FAS: variants seen among roughly 807,000 people sequenced by gnomAD.
FAS encodes the protein Fas cell surface death receptor, also known as tumor necrosis factor receptor superfamily member 6.
Under a neutral mutation model 33.2 loss-of-function variants are expected in FAS, and 5 were observed. The observed-to-expected ratio is 0.15, with a 90% CI of 0.08 to 0.32. The LOEUF (loss-of-function observed/expected upper bound fraction) is 0.32. FAS is among the 10% of genes least tolerant of loss of function. The pLI is 1.00. For synonymous variants in FAS, 131 were observed against 130.7 expected, an observed-to-expected ratio of 1.00 and a Z score of -0.01; for missense variants, 339 against 386.0, an observed-to-expected ratio of 0.88 and a Z score of 1.02.
At chr10:88,966,705 C>A (rs1846324026) in intron 1 of FAS, among the ~76,000 whole-genome samples, 1 of 152,212 alleles carries the variant, frequency 6.6e-6, no homozygotes, top group Admixed American at 6.5e-5. Context: ...GTTTCCTCAT[C>A]TGCAAAATGA....
chr10:88,980,749 A>G (rs369648781), intron 2 of FAS, among the ~76,000 whole-genome samples: 36 of 152,250 alleles, frequency 2.4e-4, no homozygotes, highest in African/African-American at 7.7e-4. Context: ...GACTCGAGCC[A>G]TATAAAGTCA....
At chr10:88,996,893 T>A (rs1847631396) in intron 1 of FAS, among the ~76,000 whole-genome samples, 1 of 152,218 alleles carries the variant, frequency 6.6e-6, no homozygotes. Flanking sequence ...TTTATTCTTG[T>A]ATGACCCACG....
chr10:88,998,733 G>T (rs1023642499), intron 1 of FAS, among the ~76,000 whole-genome samples: 2 of 152,144 alleles, frequency 1.3e-5, no homozygotes, highest in African/African-American at 4.8e-5. Context: ...AAAGGGGTTT[G>T]GGCTAGGTCA....
Position 88,964,806 on chromosome 10 carries a change from G to A in FAS, n.95-8376G>A, listed in dbSNP as rs188661926. On this transcript the variant is annotated intron_variant and non_coding_transcript_variant, in intron 1 of 3. Transcript: ENST00000688239. Reference sequence around the variant, plus strand: ...CCTGTTTGCAGCTGTACAAATTAAGGTATTATGAAAGCATGGTCATTCAAA... The same window carrying A: ...CCTGTTTGCAGCTGTACAAATTAAGATATTATGAAAGCATGGTCATTCAAA... Among the ~76,000 whole-genome samples the A allele has an allele frequency of 3.9e-5, 6 of 152,234 alleles. No homozygotes were observed. In the East Asian group the frequency reaches 1.2e-3, roughly 29 times the overall value.
At position 88,980,791 on chromosome 10, in the gene FAS, T is replaced by G. The variant is rs532471120; in HGVS notation, n.260+7444T>G. ...GTTACAAGGCAATGATAAGAAAGAA[T>G]GAGGTAGCTCAATTCCAAATGAATC... is the stretch of plus-strand genomic sequence containing the variant. On this transcript the variant is annotated intron_variant and non_coding_transcript_variant, in intron 2 of 3. Coordinates refer to the FAS transcript ENST00000688239. 2.0e-5 allele frequency among the ~76,000 whole-genome samples: 3 copies of G among 152,320 alleles called. No individual in the cohort carries two copies. In the East Asian group the frequency reaches 5.8e-4, roughly 29 times the overall value.
chr10:88,975,079 T>G lies in FAS; in HGVS notation n.260+1732T>G, dbSNP rs117763291. 2.1e-4 allele frequency: 32 copies of G among 152,296 alleles called. 1 individual carries two copies. The East Asian group carries it at 5.6e-3, about 27-fold the overall frequency. 9.4% of individuals were successfully genotyped at this position (152,296 alleles called of 1,614,324 possible). A position where few individuals can be genotyped will look rare whatever the true frequency, so the allele number is the denominator to read the frequency against. On this transcript the variant is annotated intron_variant and non_coding_transcript_variant, in intron 2 of 3. Coordinates refer to the FAS transcript ENST00000688239. The stretch of plus-strand genomic sequence containing the variant: ...AGTTCGTGCTCCATGCATTTAACTG[T>G]TATTACAGGTTGTATTAGTATCACA...
At chr10:89,010,431 G>T in intron 4 of FAS, 108 bp from the exon 5 acceptor site, 1 of 835,210 alleles carries the variant, frequency 1.2e-6, no homozygotes, top group East Asian at 2.6e-5. Context: ...ACGTTTGCCA[G>T]AGATGCAAAG....
At chr10:89,011,478 C>T (rs1013152238) in intron 6 of FAS, among the ~76,000 whole-genome samples, 2 of 152,136 alleles carry the variant, frequency 1.3e-5, no homozygotes, top group African/African-American at 4.8e-5. Flanking sequence ...GTTTGCCTTG[C>T]CTTTAGCGGT....
rs1466627296 is a variant in FAS at position 88,991,278 on chromosome 10, GA to G, written c.30+373del. On this transcript the variant is annotated intron_variant, in intron 1 of 8. Transcript: ENST00000652046. ...GGAAGCTTTAGGGTCGCTGGAGGGGGACCCCGGTTGGAGAGAGGAGCGGAAC... is the reference window on the plus strand; with the variant it reads ...GGAAGCTTTAGGGTCGCTGGAGGGGGCCCCGGTTGGAGAGAGGAGCGGAAC... 9 of 427,978 alleles carry G rather than the reference GA, an allele frequency of 2.1e-5. No homozygotes were observed. The East Asian group carries it at 3.5e-4, about 16-fold the overall frequency. 26.5% of individuals were successfully genotyped at this position (427,978 alleles called of 1,614,324 possible). A position where few individuals can be genotyped will look rare whatever the true frequency, so the allele number is the denominator to read the frequency against.
At chr10:88,984,541 T>A (rs1846817322), upstream of FAS, among the ~76,000 whole-genome samples, 1 of 152,264 alleles carries the variant, frequency 6.6e-6, no homozygotes, top group Admixed American at 6.5e-5. Flanking sequence ...ATTTGCTATA[T>A]GAAAACATAA....
chr10:89,015,203 TC>T lies in FAS; in HGVS notation c.*755del, dbSNP rs1365159088. ...AGTATTACTAGAGCTTTGCCACCTC[TC>T]CATTTTTGCCTTGGTGCTCATCTTA... On this transcript the variant is annotated 3_prime_UTR_variant, in exon 9 of 9. Coordinates refer to ENST00000652046, the MANE Select transcript of FAS (RefSeq NM_000043.6). The T allele has an allele frequency of 1.9e-6, 1 of 534,860 alleles. No individual in the cohort carries two copies. The highest frequency in any genetic ancestry group is 1.9e-5 in the African/African-American group (1 of 53,992). 33.1% of individuals were successfully genotyped at this position (534,860 alleles called of 1,614,324 possible).
upstream of FAS, chr10:88,990,500 G>T: frequency 1.7e-6 from 1 of 579,530 alleles, no homozygotes. The surrounding 1 kb of genome is among the most constrained non-coding windows in gnomAD (Gnocchi z 4.9). Context: ...AACGAACCCT[G>T]ACTCCTTCCT....
At chr10:88,973,571 A>G in intron 2 of FAS, 1 of 315,290 alleles carries the variant, frequency 3.2e-6, no homozygotes, top group South Asian at 1.2e-4. Flanking sequence ...ACCACTTCCC[A>G]TTCCCCAAAA....
chr10:89,012,153 A>G, intron 7 of FAS, 72 bp downstream of exon 7: 1 of 1,232,234 alleles, frequency 8.1e-7, no homozygotes, highest in African/African-American at 1.5e-5. Context: ...GCTTTTTGTT[A>G]CTTCCTTTTA....
chr10:88,990,733 C>A, upstream of FAS: 1 of 963,556 alleles, frequency 1.0e-6, no homozygotes, highest in South Asian at 1.3e-5. The surrounding 1 kb of genome is among the most constrained non-coding windows in gnomAD (Gnocchi z 4.9). Context: ...TGGCTGGAGC[C>A]TCAGGGGCGG....
Position 89,014,240 on chromosome 10 carries a change from T to A in FAS, c.798T>A (p.Asn266Lys), listed in dbSNP as rs758630212. ...EAKIDEIKND[N>K]VQDTAEQKVQ... ...AAATAGATGAGATCAAGAATGACAA[T>A]GTCCAAGACACAGCAGAACAGAAAG... Residue 266 changes from asparagine to lysine, a missense_variant, in exon 9 of 9, where the codon AAT becomes AAA. This residue lies in a region of FAS where 11 missense variants were observed against 33.2 expected (regional missense o/e 0.33). Transcript: ENST00000652046. 1 of 1,613,958 alleles carries A rather than the reference T, an allele frequency of 6.2e-7. No homozygotes were observed. Among genetic ancestry groups the A allele is most frequent in the Non-Finnish European group, 8.5e-7 (1 of 1,179,940 alleles).
rs1848830327 is a variant in FAS, at chr10:89,017,007, G to A, written c.*2557G>A. On this transcript the variant is annotated 3_prime_UTR_variant, in exon 9 of 9. Transcript: ENST00000652046. ...GTTTGGGTTTAGAATTCTATACAAG[G>A]CCATTTGTAATTTTCCTCAGCACTT... The A allele has an allele frequency of 1.7e-5, 3 of 180,996 alleles. No individual in the cohort carries two copies. The highest frequency in any genetic ancestry group is 4.2e-3 in the Middle Eastern group (2 of 472). 11.2% of individuals were successfully genotyped at this position (180,996 alleles called of 1,614,324 possible). A position where few individuals can be genotyped will look rare whatever the true frequency, so the allele number is the denominator to read the frequency against.
intron 2 of FAS, chr10:88,973,353 C>A: frequency 6.7e-7 from 1 of 1,483,836 alleles, no homozygotes; most frequent in African/African-American, 1.4e-5. Flanking sequence ...ATTAGGTAAT[C>A]CAAGAATTGC....
rs886047459 is a variant in FAS at position 89,003,174 on chromosome 10, G to T, written c.176G>T (p.Cys59Phe). Residue 59 changes from cysteine (C) to phenylalanine (F), a missense_variant, in exon 2 of 9, where the codon TGC (cysteine) becomes TTC (phenylalanine). Physicochemically the swap from Cys to Phe is radical, Grantham distance 205. This residue lies in a region of FAS where 276 missense variants were observed against 300.1 expected (regional missense o/e 0.92). Coordinates refer to ENST00000652046, the MANE Select transcript of FAS (RefSeq NM_000043.6). Reference sequence around the variant, plus strand: ...GGCCTGCATCATGATGGCCAATTCTGCCATAAGCCCTGTCCTCCAGGTATG... The same window carrying T: ...GGCCTGCATCATGATGGCCAATTCTTCCATAAGCCCTGTCCTCCAGGTATG... ...LEGLHHDGQF[C>F]HKPCPPGERK... 1.2e-6 allele frequency: 2 copies of T among 1,613,980 alleles called. No individual in the cohort carries two copies. Among genetic ancestry groups the T allele is most frequent in the Non-Finnish European group, 1.7e-6 (2 of 1,179,972 alleles).
Sources: gnomAD v4.1 joint callset for allele counts (sites outside exome capture counted in the v4.1 genomes callset) on GRCh38, gnomAD v4.1.1 for gene constraint, gnomAD v4.1.1 regional missense constraint, Gnocchi (gnomAD v3.1) non-coding constraint, MANE v1.5 for transcripts, NCBI Gene and HGNC (gene_info 2026-07-23, HGNC 2026-07-21) for gene names.